Variants in BTBD9 observed in about 807,000 individuals in gnomAD.
The protein encoded by BTBD9 is BTB domain containing 9.
In BTBD9, 49 loss-of-function variants were observed where a neutral mutation model predicts 64.3. That is an observed-to-expected ratio of 0.76 (90% CI 0.61 to 0.97). The LOEUF is 0.97. BTBD9 is among the 50% of genes least tolerant of loss of function. The probability of loss-of-function intolerance (pLI) is 0.00; values close to 1 mark genes in which losing one functional copy is unlikely to be tolerated. For synonymous variants in BTBD9, 260 were observed against 274.7 expected, an observed-to-expected ratio of 0.95 and a Z score of 0.53; for missense variants, 598 against 762.1, an observed-to-expected ratio of 0.78 and a Z score of 2.53.
intron 9 of BTBD9, among the ~76,000 whole-genome samples, chr6:38,226,167 A>G (rs990966927): frequency 3.3e-5 from 5 of 152,194 alleles, no homozygotes; most frequent in African/African-American, 1.2e-4. Flanking sequence ...AGGCTTGTTC[A>G]GGTTACTAGG....
intron 6 of BTBD9, among the ~76,000 whole-genome samples, chr6:38,381,310 G>A (rs1765924536): frequency 6.6e-6 from 1 of 152,024 alleles, no homozygotes; most frequent in Non-Finnish European, 1.5e-5. Flanking sequence ...AGATGCAAAA[G>A]TTACAATAAT....
intron 6 of BTBD9, among the ~76,000 whole-genome samples, chr6:38,348,971 T>C (rs1443338931): frequency 1.3e-5 from 2 of 152,166 alleles, no homozygotes; most frequent in Non-Finnish European, 2.9e-5. Flanking sequence ...TGCAGTGGCA[T>C]GATCATGCCT....
chr6:38,267,181 G>T (rs1765040215), intron 8 of BTBD9, among the ~76,000 whole-genome samples: 3 of 152,248 alleles, frequency 2.0e-5, no homozygotes, highest in African/African-American at 7.2e-5. Context: ...CATTTGCTAG[G>T]AAGGCTATTA....
chr6:38,394,082 T>C (rs1449013218), intron 6 of BTBD9, among the ~76,000 whole-genome samples: 1 of 152,168 alleles, frequency 6.6e-6, no homozygotes, highest in Non-Finnish European at 1.5e-5. Flanking sequence ...AGCAACTATT[T>C]ACTGAGAACC....
At chr6:38,457,971 A>G (rs934520318) in intron 6 of BTBD9, among the ~76,000 whole-genome samples, 2 of 152,300 alleles carry the variant, frequency 1.3e-5, no homozygotes, top group African/African-American at 4.8e-5. Context: ...AGGGAAGATG[A>G]TATCATCATG....
chr6:38,568,117 G>A (rs1279195014), intron 6 of BTBD9, among the ~76,000 whole-genome samples: 1 of 152,196 alleles, frequency 6.6e-6, no homozygotes, highest in Non-Finnish European at 1.5e-5. Context: ...TAAATACTAT[G>A]AAAGGTCAGA....
chr6:38,577,553 C>A, intron 6 of BTBD9, 47 bp downstream of exon 6: 1 of 1,547,292 alleles, frequency 6.5e-7, no homozygotes. Context: ...AAGTCCAAAT[C>A]TCCTTATATA....
intron 6 of BTBD9, among the ~76,000 whole-genome samples, chr6:38,511,340 CTTT>C (rs34407005): frequency 2.5e-4 from 27 of 107,458 alleles, no homozygotes; most frequent in South Asian, 3.3e-4. Context: ...TTGGAAATGC[CTTT>C]TTTTTTTTTT....
chr6:38,256,193 C>T (rs1764573511), intron 9 of BTBD9, among the ~76,000 whole-genome samples: 1 of 152,060 alleles, frequency 6.6e-6, no homozygotes, highest in African/African-American at 2.4e-5. Flanking sequence ...GAGTCAAATT[C>T]ACACCACAGA....
At chr6:38,199,639 T>C (rs1185314653) in intron 9 of BTBD9, among the ~76,000 whole-genome samples, 2 of 152,076 alleles carry the variant, frequency 1.3e-5, no homozygotes, top group Non-Finnish European at 2.9e-5. Flanking sequence ...TTAGGGAAGG[T>C]CTCTTGGGTA....
intron 6 of BTBD9, among the ~76,000 whole-genome samples, chr6:38,505,964 C>CAAAAAAAAAAAAAAAAAAAAAAAA (rs59014161): frequency 7.3e-5 from 6 of 82,652 alleles, no homozygotes; most frequent in African/African-American, 2.5e-4. Flanking sequence ...TCCGTCTCAA[C>CAAAAAAAAAAAAAAAAAAAAAAAA]AAAAAAAAAA....
intron 6 of BTBD9, among the ~76,000 whole-genome samples, chr6:38,416,785 C>T (rs1335340403): frequency 6.6e-6 from 1 of 152,160 alleles, no homozygotes; most frequent in Non-Finnish European, 1.5e-5. Context: ...AAGGGCTCAG[C>T]CCTTGTCCTC....
At chr6:38,570,130 C>A (rs1192159353) in intron 6 of BTBD9, among the ~76,000 whole-genome samples, 1 of 151,904 alleles carries the variant, frequency 6.6e-6, no homozygotes, top group East Asian at 1.9e-4. Flanking sequence ...AGAAAATATC[C>A]CCGGTTGTTC....
rs58694810 is a variant in BTBD9, at chr6:38,544,927, CAAAAAA to C, written c.1154+32667_1154+32672del. Among the ~76,000 whole-genome samples, 75 of 48,294 alleles carry C rather than the reference CAAAAAA, an allele frequency of 1.6e-3. No individual in the cohort carries two copies. In the East Asian group the frequency reaches 0.035, roughly 22 times the overall value. 31.7% of individuals were successfully genotyped at this position (48,294 alleles called of 152,430 possible). A position where few individuals can be genotyped will look rare whatever the true frequency, so the allele number is the denominator to read the frequency against. On this transcript the variant is annotated intron_variant, in intron 6 of 10. Coordinates refer to ENST00000481247, the MANE Select transcript of BTBD9 (RefSeq NM_001099272.2). ...GGGAAACAAGAACAAAACTACATCTCAAAAAAAAAAAAAAAAAAAAAAAAAAAAAGA... is the reference window on the plus strand; with the variant it reads ...GGGAAACAAGAACAAAACTACATCTCAAAAAAAAAAAAAAAAAAAAAAAGA...
intron 6 of BTBD9, among the ~76,000 whole-genome samples, chr6:38,569,108 T>C (rs1775645026): frequency 6.6e-6 from 1 of 152,210 alleles, no homozygotes; most frequent in South Asian, 2.1e-4. Context: ...AAGAACCTAA[T>C]GATGGAGAGC....
intron 6 of BTBD9, among the ~76,000 whole-genome samples, chr6:38,375,967 A>G (rs970074602): frequency 2.7e-5 from 4 of 147,300 alleles, no homozygotes; most frequent in Non-Finnish European, 6.1e-5. Flanking sequence ...AAGAAAGAAA[A>G]AACGTGTAGG....
chr6:38,461,363 T>C (rs1314887614), intron 6 of BTBD9, among the ~76,000 whole-genome samples: 3 of 152,232 alleles, frequency 2.0e-5, no homozygotes, highest in Admixed American at 2.0e-4. Context: ...TGTAGTGCTT[T>C]CTGACATTAT....
intron 6 of BTBD9, among the ~76,000 whole-genome samples, chr6:38,524,960 G>A (rs1773420907): frequency 6.6e-6 from 1 of 152,108 alleles, no homozygotes; most frequent in African/African-American, 2.4e-5. Flanking sequence ...TAGTGTCTGG[G>A]TGATCAGGCC....
chr6:38,505,653 G>A (rs1407488013), intron 6 of BTBD9, among the ~76,000 whole-genome samples: 3 of 150,730 alleles, frequency 2.0e-5, no homozygotes, highest in Non-Finnish European at 3.0e-5. Flanking sequence ...CCATGCAACT[G>A]AATTTCAGTA....
Sources: allele counts gnomAD v4.1 joint callset (sites outside exome capture counted in the v4.1 genomes callset), GRCh38; gene constraint gnomAD v4.1.1; transcripts MANE v1.5; gene names NCBI Gene and HGNC (gene_info 2026-07-23, HGNC 2026-07-21).